The following MBOAT7 variants were observed in gnomAD, a reference collection of about 807,000 sequenced individuals.
The protein encoded by MBOAT7 is membrane-bound acylglycerophosphatidylinositol O-acyltransferase MBOAT7.
A neutral mutation model predicts 47.4 loss-of-function variants in MBOAT7; 40 were observed. The ratio of observed to expected loss-of-function variants is 0.84; its 90% confidence interval spans 0.66 to 1.10. MBOAT7 has a LOEUF of 1.10. Ranked by LOEUF, MBOAT7 falls within the 50% of genes least tolerant of loss-of-function variation. The pLI, the probability that MBOAT7 is intolerant of heterozygous loss-of-function variation, is 0.00. For missense variants in MBOAT7, 680 were observed against 655.6 expected (o/e 1.04, Z -0.41); for synonymous variants, 361 against 292.0 (o/e 1.24, Z -2.41).
chr19:54,182,336 G>A (rs113075579), intron 5 of MBOAT7, among the ~76,000 whole-genome samples: 13 of 152,108 alleles, frequency 8.5e-5, no homozygotes, highest in African/African-American at 2.9e-4. Context: ...AATCTTTACA[G>A]ATAGAAAGTC....
intron 7 of MBOAT7, 72 bp from the exon 8 acceptor site, chr19:54,174,503 T>G: frequency 1.4e-6 from 2 of 1,414,734 alleles, no homozygotes; most frequent in South Asian, 2.9e-5. Context: ...GATCCAGGAG[T>G]CCAGGACCCC....
At chr19:54,186,172 C>G (rs1248273868) in intron 4 of MBOAT7, among the ~76,000 whole-genome samples, 1 of 152,000 alleles carries the variant, frequency 6.6e-6, no homozygotes, top group Non-Finnish European at 1.5e-5. Flanking sequence ...TGCCACCACG[C>G]CCAGCTAATC....
intron 4 of MBOAT7, among the ~76,000 whole-genome samples, chr19:54,185,683 T>C (rs2076410189): frequency 6.7e-6 from 1 of 149,494 alleles, no homozygotes; most frequent in Non-Finnish European, 1.5e-5. Context: ...CCAGAACGAG[T>C]TTTCTTTCTT....
intron 7 of MBOAT7, 134 bp from the exon 8 acceptor site, chr19:54,174,565 G>C: frequency 1.1e-6 from 1 of 897,156 alleles, no homozygotes; most frequent in Non-Finnish European, 1.6e-6. Flanking sequence ...TCCTCCCTCA[G>C]ACCCAGGAGT....
At position 54,181,151 on chromosome 19, in the gene MBOAT7, A is replaced by C. The variant is rs2076260772; in HGVS notation, c.494-18T>G. 7.3e-7 allele frequency: 1 copy of C among 1,374,282 alleles called. No homozygotes were observed. The allele number at this position is 1,374,282 out of a possible 1,614,324, so 85.1% of individuals were successfully genotyped here. A position where few individuals can be genotyped will look rare whatever the true frequency, so the allele number is the denominator to read the frequency against. On this transcript the variant is annotated intron_variant, in intron 5 of 7. Coordinates refer to ENST00000245615, the MANE Select transcript of MBOAT7 (RefSeq NM_024298.5). ...GAACGGGCCTGTGGGGCGGGGAGGG[A>C]GGGCCGCGGTCAGACAGGCAGGTGG...
intron 6 of MBOAT7, chr19:54,179,623 C>G (rs2076210407): frequency 6.6e-6 from 1 of 152,322 alleles, no homozygotes. Flanking sequence ...AGGAGGGGAG[C>G]CATCCTTTAG....
chr19:54,181,377 C>A (rs1413440254), intron 5 of MBOAT7, among the ~76,000 whole-genome samples: 1 of 151,888 alleles, frequency 6.6e-6, no homozygotes, highest in East Asian at 2.0e-4. Context: ...GACAGAGGGG[C>A]CGGTGCGGTG....
At chr19:54,178,409 C>T (rs1178766588) in intron 7 of MBOAT7, 13 of 1,226,310 alleles carry the variant, frequency 1.1e-5, no homozygotes, top group African/African-American at 1.5e-5. Context: ...ATAGCATTCA[C>T]TCCATTCAAC....
chr19:54,187,018 C>T (rs2076444949), intron 4 of MBOAT7, 143 bp downstream of exon 4: 2 of 1,033,798 alleles, frequency 1.9e-6, no homozygotes, highest in African/African-American at 1.6e-5. Flanking sequence ...GAATGCTGTG[C>T]CCAGGGCAGC....
chr19:54,175,646 T>C (rs1210715091), intron 7 of MBOAT7, among the ~76,000 whole-genome samples: 2 of 152,174 alleles, frequency 1.3e-5, no homozygotes, highest in Non-Finnish European at 2.9e-5. Flanking sequence ...GCCTCTTGGA[T>C]TCAAGCGATT....
chr19:54,174,427 C>A lies in MBOAT7; in HGVS notation c.1036G>T (p.Ala346Ser). Residue 346 changes from alanine to serine, a missense_variant, in exon 8 of 8, where the codon GCC (alanine) becomes TCC (serine). By Grantham distance (99) the Ala-to-Ser change is moderately conservative. Coordinates refer to ENST00000245615, the MANE Select transcript of MBOAT7 (RefSeq NM_024298.5). Reference sequence around the variant, plus strand: ...TAGGCGCTCAGCAGCATGGTCCAGGCGCTCCTGAGGAGGAGGCTGGGAGTC... The same window carrying A: ...TAGGCGCTCAGCAGCATGGTCCAGGAGCTCCTGAGGAGGAGGCTGGGAGTC... ...APARSYVLRS[A>S]WTMLLSAYWH... 6.4e-7 allele frequency: 1 copy of A among 1,556,252 alleles called. No homozygotes were observed. The highest frequency in any genetic ancestry group is 8.7e-7 in the Non-Finnish European group (1 of 1,151,206).
intron 7 of MBOAT7, among the ~76,000 whole-genome samples, chr19:54,175,249 A>G (rs186516618): frequency 7.7e-4 from 118 of 152,286 alleles, no homozygotes; most frequent in South Asian, 2.1e-3. Context: ...AAGTGCTGGG[A>G]TCACAGGTGT....
chr19:54,182,848 A>G (rs1360636915), intron 5 of MBOAT7, among the ~76,000 whole-genome samples: 3 of 151,748 alleles, frequency 2.0e-5, no homozygotes, highest in Admixed American at 6.6e-5. Context: ...TTACAGGCAC[A>G]CACCACCATG....
chr19:54,178,767 C>T lies in MBOAT7; in HGVS notation c.1029G>A (p.Leu343=). 6.2e-7 allele frequency: 1 copy of T among 1,613,298 alleles called. No individual in the cohort carries two copies. The highest frequency in any genetic ancestry group is 8.5e-7 in the Non-Finnish European group (1 of 1,179,916). The change falls in exon 7 of 8, where the codon CTG becomes CTA. Residue 343 remains leucine, a splice_region_variant and synonymous_variant. Coordinates refer to ENST00000245615, the MANE Select transcript of MBOAT7 (RefSeq NM_024298.5). ...TGAGACTGGGCGGGCTCACTCACCG[C>T]AGGACATAGGAACGGGCAGGTGCGC... is the stretch of plus-strand genomic sequence containing the variant. ...YKSAPARSYV[L]RSAWTMLLSA... is the part of the protein sequence containing the mutation.
Position 54,174,419 on chromosome 19 carries a change from G to A in MBOAT7, c.1044C>T (p.Thr348=), listed in dbSNP as rs1236866298. The A allele has an allele frequency of 6.4e-7, 1 of 1,568,768 alleles. No homozygotes were observed. The highest frequency in any genetic ancestry group is 1.2e-5 in the South Asian group (1 of 85,558). ...ARSYVLRSAW[T]MLLSAYWHGL... ...CGTGCCAGTAGGCGCTCAGCAGCAT[G>A]GTCCAGGCGCTCCTGAGGAGGAGGC... The change falls in exon 8 of 8, where the codon ACC becomes ACT. Residue 348 remains threonine (T), a synonymous_variant. Transcript: ENST00000245615.
chr19:54,181,021 G>A lies in MBOAT7; in HGVS notation c.606C>T (p.Gly202=). The change falls in exon 6 of 8, where the codon GGC becomes GGT. Residue 202 remains glycine (G), a synonymous_variant. Coordinates refer to ENST00000245615, the MANE Select transcript of MBOAT7 (RefSeq NM_024298.5). ...LRRAWPAPLF[G]LLFLLSSHLF... is the part of the protein sequence containing the mutation. The stretch of plus-strand genomic sequence containing the variant: ...GGTGAGAGGAGAGCAGGAACAGCAG[G>A]CCGAAGAGCGGGGCCGGCCAGGCGC... The A allele has an allele frequency of 6.4e-7, 1 of 1,554,464 alleles. No individual in the cohort carries two copies. The highest frequency in any genetic ancestry group is 1.2e-5 in the South Asian group (1 of 84,378).
intron 6 of MBOAT7, chr19:54,179,289 G>T: frequency 2.9e-6 from 1 of 345,086 alleles, no homozygotes; most frequent in Non-Finnish European, 5.3e-6. Context: ...CGCCAAGGAT[G>T]GTCCCTTCTA....
rs1051882954 is a variant in MBOAT7, at chr19:54,180,989, G to A, written c.638C>T (p.Pro213Leu). 2.6e-6 allele frequency: 4 copies of A among 1,564,040 alleles called. No individual in the cohort carries two copies. The highest frequency in any genetic ancestry group is 2.7e-5 in the African/African-American group (2 of 74,276). Reference sequence around the variant, plus strand: ...GGCGTCCTCGCGCACGGCCTCCAGCGGGAAGAGGTGAGAGGAGAGCAGGAA... The same window carrying A: ...GGCGTCCTCGCGCACGGCCTCCAGCAGGAAGAGGTGAGAGGAGAGCAGGAA... ...LLFLLSSHLF[P>L]LEAVREDAFY... The change falls in exon 6 of 8, where the codon CCG becomes CTG. Residue 213 changes from proline to leucine, a missense_variant. Pro to Leu is a moderately conservative substitution (Grantham distance 98). Coordinates refer to ENST00000245615, the MANE Select transcript of MBOAT7 (RefSeq NM_024298.5). This position sits in a 1 kb window ranked among gnomAD's most constrained non-coding sequence, Gnocchi z 5.2.
Position 54,188,214 on chromosome 19 carries a change from C to T in MBOAT7, c.206+3G>A. 6.2e-7 allele frequency: 1 copy of T among 1,605,510 alleles called. No homozygotes were observed. The highest frequency in any genetic ancestry group is 1.1e-5 in the South Asian group (1 of 90,058). The stretch of plus-strand genomic sequence containing the variant: ...CCCTCTCCTCCCTCCACCAAATTCT[C>T]ACCAGGGCTGGGCCTGAATGAGGGC... On this transcript the variant is annotated splice_donor_region_variant and intron_variant, in intron 3 of 7. Coordinates refer to ENST00000245615, the MANE Select transcript of MBOAT7 (RefSeq NM_024298.5).
Sources: allele counts gnomAD v4.1 joint callset (sites outside exome capture counted in the v4.1 genomes callset), GRCh38; gene constraint gnomAD v4.1.1; non-coding constraint Gnocchi (gnomAD v3.1); transcripts MANE v1.5; gene names NCBI Gene and HGNC (gene_info 2026-07-23, HGNC 2026-07-21).